Variants in ALMS1 observed in about 807,000 individuals in gnomAD.
The protein encoded by ALMS1 is centrosome-associated protein ALMS1.
ALMS1 carries 271 observed loss-of-function variants against 352.2 expected under a neutral mutation model. The observed-to-expected ratio is 0.77, with a 90% CI of 0.70 to 0.85. ALMS1 has a LOEUF of 0.85. ALMS1 is among the 40% of genes least tolerant of loss of function. ALMS1 has a pLI of 0.00. For synonymous variants in ALMS1, 1,865 were observed against 1,761.2 expected (o/e 1.06, Z -1.48); for missense variants, 5,445 against 4,870.7 (o/e 1.12, Z -3.51).
chr2:73,420,406 A>T (rs1229280443), intron 3 of ALMS1, among the ~76,000 whole-genome samples: 2 of 152,180 alleles, frequency 1.3e-5, no homozygotes, highest in African/African-American at 2.4e-5. Flanking sequence ...TTTTTAAAGG[A>T]TTGTAAAAAC....
chr2:73,498,359 C>T (rs1024650461), intron 10 of ALMS1, among the ~76,000 whole-genome samples: 1 of 151,796 alleles, frequency 6.6e-6, no homozygotes, highest in South Asian at 2.1e-4. Context: ...GAAATAAGGA[C>T]ATTGTGAAGA....
intron 12 of ALMS1, among the ~76,000 whole-genome samples, chr2:73,538,742 G>A (rs569793505): frequency 3.0e-4 from 46 of 152,178 alleles, no homozygotes; most frequent in Non-Finnish European, 6.5e-4. Flanking sequence ...ATTATATCCC[G>A]CACCTGGCTC....
chr2:73,475,071 G>A (rs970321535), intron 9 of ALMS1, among the ~76,000 whole-genome samples: 8 of 152,108 alleles, frequency 5.3e-5, no homozygotes, highest in African/African-American at 1.7e-4. Flanking sequence ...GTTGTAATGT[G>A]AATCAGTACT....
At chr2:73,500,936 G>GT (rs1419708628) in intron 10 of ALMS1, among the ~76,000 whole-genome samples, 1 of 152,076 alleles carries the variant, frequency 6.6e-6, no homozygotes, top group Non-Finnish European at 1.5e-5. Flanking sequence ...CACTTCTACT[G>GT]TTTTTTGTTC....
intron 1 of ALMS1, among the ~76,000 whole-genome samples, chr2:73,404,654 C>T (rs6736726): frequency 0.036 from 5,462 of 151,976 alleles, 316 homozygotes; most frequent in African/African-American, 0.12. Context: ...ATCCTTTTAA[C>T]GTACTGCTGA....
rs1249038326 is a variant in ALMS1, at chr2:73,489,814, C to T, written c.7855C>T (p.Pro2619Ser). 4 of 1,613,992 alleles carry T rather than the reference C, an allele frequency of 2.5e-6. No homozygotes were observed. Among genetic ancestry groups the T allele is most frequent in the Admixed American group, 3.3e-5 (2 of 59,988 alleles). The change falls in exon 10 of 23, where the codon CCA becomes TCA. Residue 2619 changes from proline to serine, a missense_variant. Coordinates refer to ENST00000613296, the MANE Select transcript of ALMS1 (RefSeq NM_001378454.1). The stretch of plus-strand genomic sequence containing the variant: ...AGAAATGACCAGAGGACGGCAGAAC[C>T]CATCATCATGCAGAGCCAAGCATGT... ...PSEMTRGRQNPSSCRAKHVNL... is the reference protein window; with the variant it reads ...PSEMTRGRQNSSSCRAKHVNL...
intron 11 of ALMS1, among the ~76,000 whole-genome samples, chr2:73,528,667 T>C (rs989028157): frequency 6.6e-6 from 1 of 151,810 alleles, no homozygotes; most frequent in East Asian, 1.9e-4. Flanking sequence ...TCTTGTTTTT[T>C]TTTGCATTCA....
intron 16 of ALMS1, among the ~76,000 whole-genome samples, chr2:73,592,270 G>A (rs779135569): frequency 6.6e-6 from 1 of 152,152 alleles, no homozygotes; most frequent in Non-Finnish European, 1.5e-5. Flanking sequence ...TTTCCAAAAG[G>A]TAAGTAATAG....
intron 15 of ALMS1, among the ~76,000 whole-genome samples, chr2:73,570,864 C>G (rs528092678): frequency 2.5e-4 from 38 of 152,280 alleles, no homozygotes; most frequent in Admixed American, 4.6e-4. Context: ...CCAGAATGTT[C>G]TTCTTCCTGT....
At chr2:73,548,494 C>T (rs1259828332) in intron 12 of ALMS1, among the ~76,000 whole-genome samples, 1 of 152,182 alleles carries the variant, frequency 6.6e-6, no homozygotes, top group Non-Finnish European at 1.5e-5. Flanking sequence ...TTGTTCCTCA[C>T]CTGACTCTGA....
intron 19 of ALMS1, 78 bp from the exon 20 acceptor site, chr2:73,602,107 G>A: frequency 2.1e-6 from 3 of 1,415,286 alleles, no homozygotes; most frequent in Non-Finnish European, 2.9e-6. Context: ...TGGGCAGGTG[G>A]TGTGTCTCCA....
intron 1 of ALMS1, among the ~76,000 whole-genome samples, chr2:73,392,200 T>C (rs1259765322): frequency 6.6e-6 from 1 of 151,796 alleles, no homozygotes; most frequent in Admixed American, 6.6e-5. Flanking sequence ...TTATTAAAAA[T>C]TATTAATTTT....
Position 73,474,439 on chromosome 2 carries a change from ACTT to A in ALMS1, c.7675-15194_7675-15192del, listed in dbSNP as rs1269668812. 2.7e-5 allele frequency among the ~76,000 whole-genome samples: 4 copies of A among 146,846 alleles called. No homozygotes were observed. The East Asian group carries it at 7.8e-4, about 29-fold the overall frequency. ...TTGGTTTACATGACGGTGAAGAACT[ACTT>A]ATTTCTTTTTTGGTTTGTTACATGA... is the stretch of plus-strand genomic sequence containing the variant. On this transcript the variant is annotated intron_variant, in intron 9 of 22. Coordinates refer to ENST00000613296, the MANE Select transcript of ALMS1 (RefSeq NM_001378454.1).
chr2:73,591,784 T>A (rs1231018975), intron 16 of ALMS1, among the ~76,000 whole-genome samples: 1 of 152,186 alleles, frequency 6.6e-6, no homozygotes, highest in Admixed American at 6.5e-5. Flanking sequence ...AATAAATAAA[T>A]GTATAGGGCT....
chr2:73,532,926 C>T (rs181385303), intron 11 of ALMS1, among the ~76,000 whole-genome samples: 1 of 152,248 alleles, frequency 6.6e-6, no homozygotes, highest in East Asian at 1.9e-4. Flanking sequence ...CCCAAGTACT[C>T]TTTAGTCAGC....
intron 13 of ALMS1, among the ~76,000 whole-genome samples, chr2:73,551,434 T>C (rs1286417775): frequency 8.2e-6 from 1 of 122,656 alleles, no homozygotes; most frequent in Non-Finnish European, 1.8e-5. Context: ...TCTTTTTTTT[T>C]TTTTTTTTTT....
chr2:73,385,937 G>T lies in ALMS1; in HGVS notation c.69G>T (p.Glu23Asp). Residue 23 changes from glutamate to aspartate, a missense_variant, in exon 1 of 23, where the codon GAG becomes GAT. Glu to Asp is a conservative substitution (Grantham distance 45). Coordinates refer to ENST00000613296, the MANE Select transcript of ALMS1 (RefSeq NM_001378454.1). ...AGGAGGAGGAGGAGGAGGAGGAGGA[G>T]GAGGAAGAGGAGGAGGCTGCAGCGG... ...EEEEEEEEEE[E>D]EEEEEAAAAA... The T allele has an allele frequency of 1.0e-6, 1 of 1,000,644 alleles. No individual in the cohort carries two copies. The highest frequency in any genetic ancestry group is 1.5e-6 in the Non-Finnish European group (1 of 676,792). 62.0% of individuals were successfully genotyped at this position (1,000,644 alleles called of 1,614,324 possible).
intron 9 of ALMS1, among the ~76,000 whole-genome samples, chr2:73,487,677 C>T (rs1018141526): frequency 6.6e-6 from 1 of 152,182 alleles, no homozygotes; most frequent in African/African-American, 2.4e-5. Context: ...TCTTGTCCTG[C>T]ATCCATGAAG....
At chr2:73,560,733 G>T (rs1197076414) in intron 15 of ALMS1, among the ~76,000 whole-genome samples, 1 of 152,190 alleles carries the variant, frequency 6.6e-6, no homozygotes, top group Non-Finnish European at 1.5e-5. Context: ...GTATTGTGCA[G>T]CCTTAAGAAA....
Sources: gnomAD v4.1 joint callset for allele counts (sites outside exome capture counted in the v4.1 genomes callset) on GRCh38, gnomAD v4.1.1 for gene constraint, MANE v1.5 for transcripts, NCBI Gene and HGNC (gene_info 2026-07-23, HGNC 2026-07-21) for gene names.